The following VPS13C variants were observed in gnomAD, a reference collection of about 807,000 sequenced individuals.
The protein encoded by VPS13C is vacuolar protein sorting 13 homolog C.
VPS13C carries 358 observed loss-of-function variants against 456.8 expected under a neutral mutation model. The ratio of observed to expected loss-of-function variants is 0.78; its 90% confidence interval spans 0.72 to 0.86. The LOEUF (loss-of-function observed/expected upper bound fraction) is 0.86, where lower values mean the gene tolerates loss of function less well. Among genes scored for constraint, VPS13C ranks in the 40% least tolerant of loss-of-function variants. The pLI, the probability that VPS13C is intolerant of heterozygous loss-of-function variation, is 0.00. For missense variants in VPS13C, 4,818 were observed against 4,385.4 expected, an observed-to-expected ratio of 1.10 and a Z score of -2.79; for synonymous variants, 1,578 against 1,486.7, an observed-to-expected ratio of 1.06 and a Z score of -1.41.
chr15:61,973,496 C>G lies in VPS13C; in HGVS notation c.2575G>C (p.Gly859Arg). ...AGCAATAGTGAAGTACCAAGTAGACCTTTTGTACCACCTGAAATAATAGGA... is the reference window on the plus strand; with the variant it reads ...AGCAATAGTGAAGTACCAAGTAGACGTTTTGTACCACCTGAAATAATAGGA... ...SIPIISGGTK[G>R]LLGTSLLLDT... Residue 859 changes from glycine (G) to arginine (R), a missense_variant, in exon 26 of 85, where the codon GGT (glycine) becomes CGT (arginine). Physicochemically the swap from Gly to Arg is moderately radical, Grantham distance 125 (BLOSUM62 -2). Around this residue, in one of 3 missense-constraint regions of VPS13C, gnomAD observed 4,552 missense variants for 4,130.6 expected, o/e 1.10. Transcript: ENST00000644861. The G allele has an allele frequency of 3.1e-6, 5 of 1,612,682 alleles. No homozygotes were observed. The highest frequency in any genetic ancestry group is 4.2e-6 in the Non-Finnish European group (5 of 1,179,074).
rs759928174 is a variant in VPS13C, at chr15:61,951,023, G to C, written c.4458C>G (p.Asp1486Glu). Residue 1486 changes from aspartate (D) to glutamate (E), a missense_variant and splice_region_variant, in exon 40 of 85, where the codon GAC (aspartate) becomes GAG (glutamate). By Grantham distance (45) the Asp-to-Glu change is conservative. Around this residue, in one of 3 missense-constraint regions of VPS13C, gnomAD observed 4,552 missense variants for 4,130.6 expected, o/e 1.10. Transcript: ENST00000644861. The stretch of plus-strand genomic sequence containing the variant: ...TAATGTGAAGAGGTTCCCCTTTAGA[G>C]TCTAAAAGAGAAAAAAGACAAAGTT... The part of the protein sequence containing the change: ...KISMQCFDFT[D>E]SKGEPLHIIN... 6.3e-7 allele frequency: 1 copy of C among 1,577,160 alleles called. No homozygotes were observed. The highest frequency in any genetic ancestry group is 2.2e-5 in the East Asian group (1 of 44,480).
intron 81 of VPS13C, 50 bp downstream of exon 81, chr15:61,868,609 G>C (rs1405430014): frequency 2.0e-6 from 3 of 1,530,944 alleles, no homozygotes; most frequent in South Asian, 2.3e-5. Flanking sequence ...CCTGGGCCTA[G>C]AAATCATTAA....
At chr15:61,992,019 A>G (rs2046239491) in intron 16 of VPS13C, among the ~76,000 whole-genome samples, 1 of 152,066 alleles carries the variant, frequency 6.6e-6, no homozygotes, top group Admixed American at 6.6e-5. Context: ...TAGCATTTTG[A>G]TAAGGCTGCA....
chr15:62,022,054 T>C (rs1029206780), intron 8 of VPS13C, among the ~76,000 whole-genome samples: 1 of 151,904 alleles, frequency 6.6e-6, no homozygotes, highest in Non-Finnish European at 1.5e-5. Flanking sequence ...CATCCACTGA[T>C]GGGCAATCTT....
intron 15 of VPS13C, among the ~76,000 whole-genome samples, chr15:62,001,860 A>C (rs1312966724): frequency 6.6e-6 from 1 of 152,206 alleles, no homozygotes; most frequent in Non-Finnish European, 1.5e-5. Context: ...ATCATTTTTT[A>C]TGACTGCATA....
intron 1 of VPS13C, among the ~76,000 whole-genome samples, chr15:62,051,584 G>A (rs2048619915): frequency 1.3e-5 from 2 of 152,102 alleles, no homozygotes; most frequent in South Asian, 2.1e-4. Context: ...AAGGTAATTC[G>A]ACCTCCCTGG....
intron 67 of VPS13C, among the ~76,000 whole-genome samples, chr15:61,888,466 G>T (rs974413245): frequency 1.3e-5 from 2 of 152,036 alleles, no homozygotes; most frequent in South Asian, 4.1e-4. Context: ...ATAGTTGAAT[G>T]GATAAACAAA....
chr15:61,931,499 C>G (rs12439027), intron 49 of VPS13C, among the ~76,000 whole-genome samples: 10,584 of 151,584 alleles, frequency 0.07, 611 homozygotes, highest in East Asian at 0.2. Context: ...AAAAATTTAT[C>G]TGATTTACAG....
chr15:61,934,756 T>C (rs2044169324), intron 48 of VPS13C, among the ~76,000 whole-genome samples: 2 of 152,156 alleles, frequency 1.3e-5, no homozygotes, highest in East Asian at 1.9e-4. Flanking sequence ...TATTTTATTT[T>C]ATTTTATTTT....
At position 61,941,995 on chromosome 15, in the gene VPS13C, C is replaced by G; in HGVS notation, c.5221G>C (p.Ala1741Pro). ...TATVQAAERA[A>P]SSMKDLAQKS... Reference sequence around the variant, plus strand: ...TGAGCCAAGTCTTTCATGCTGGAAGCAGCTCTTTCTGCAGCCTGGACTGTG... The same window carrying G: ...TGAGCCAAGTCTTTCATGCTGGAAGGAGCTCTTTCTGCAGCCTGGACTGTG... The change falls in exon 46 of 85, where the codon GCT (alanine) becomes CCT (proline). Residue 1741 changes from alanine (A) to proline (P), a missense_variant. Ala to Pro is a conservative substitution (Grantham distance 27). Transcript: ENST00000644861. The G allele has an allele frequency of 1.2e-6, 2 of 1,614,000 alleles. No homozygotes were observed. The highest frequency in any genetic ancestry group is 1.1e-5 in the South Asian group (1 of 91,072).
At chr15:61,883,450 T>TG (rs966376183) in intron 68 of VPS13C, among the ~76,000 whole-genome samples, 4 of 151,894 alleles carry the variant, frequency 2.6e-5, no homozygotes, top group African/African-American at 9.7e-5. Flanking sequence ...TTGGTGGGGG[T>TG]GCTGGGGAAT....
intron 66 of VPS13C, among the ~76,000 whole-genome samples, chr15:61,900,373 C>G (rs1438562411): frequency 6.6e-6 from 1 of 152,230 alleles, no homozygotes; most frequent in Non-Finnish European, 1.5e-5. Context: ...CCCACCGTCT[C>G]AGCCCAAAAT....
intron 37 of VPS13C, 25 bp downstream of exon 37, chr15:61,958,583 T>C (rs371054575): frequency 6.3e-6 from 8 of 1,267,188 alleles, no homozygotes; most frequent in Admixed American, 2.1e-5. Flanking sequence ...CATATGTATA[T>C]TGCCACTTAC....
intron 1 of VPS13C, among the ~76,000 whole-genome samples, chr15:62,051,542 C>G (rs1323196984): frequency 1.3e-5 from 2 of 152,182 alleles, no homozygotes; most frequent in Non-Finnish European, 2.9e-5. Flanking sequence ...TCCCGAATAG[C>G]AGAGCATAAA....
intron 69 of VPS13C, among the ~76,000 whole-genome samples, chr15:61,882,240 G>A (rs1895910048): frequency 6.6e-6 from 1 of 152,158 alleles, no homozygotes; most frequent in Non-Finnish European, 1.5e-5. Context: ...GATGCTGGGA[G>A]AGAGCAAGCA....
At chr15:61,946,113 T>C (rs904117624) in intron 44 of VPS13C, among the ~76,000 whole-genome samples, 194 bp downstream of exon 44, 2 of 152,118 alleles carry the variant, frequency 1.3e-5, no homozygotes, top group Non-Finnish European at 2.9e-5. Context: ...GAAATAACTT[T>C]TACAAATCAC....
chr15:61,955,466 C>T (rs1261538298), intron 37 of VPS13C, among the ~76,000 whole-genome samples: 2 of 152,102 alleles, frequency 1.3e-5, no homozygotes, highest in Non-Finnish European at 2.9e-5. Flanking sequence ...ACTAATACAA[C>T]ACACAGGAAC....
In VPS13C at chr15:61,984,933, T is replaced by A; in HGVS notation, c.1645A>T (p.Ile549Phe). The change falls in exon 19 of 85, where the codon ATT (isoleucine) becomes TTT (phenylalanine). Residue 549 changes from isoleucine to phenylalanine, a missense_variant. By Grantham distance (21) the Ile-to-Phe change is conservative. Transcript: ENST00000644861. ...TSVTIRENKNIPEILKIQIIG... is the reference protein window; with the variant it reads ...TSVTIRENKNFPEILKIQIIG... ...ATCTGAATTTTTAGTATTTCTGGAA[T>A]ATTCTTGTTTTCTCTTATCGTAACA... 1 of 1,612,380 alleles carries A rather than the reference T, an allele frequency of 6.2e-7. No individual in the cohort carries two copies. Among genetic ancestry groups the A allele is most frequent in the Non-Finnish European group, 8.5e-7 (1 of 1,179,390 alleles).
chr15:62,013,941 T>C lies in VPS13C; in HGVS notation c.736A>G (p.Ile246Val). The C allele has an allele frequency of 1.2e-6, 2 of 1,607,858 alleles. No homozygotes were observed. The highest frequency in any genetic ancestry group is 1.7e-6 in the Non-Finnish European group (2 of 1,176,730). Residue 246 changes from isoleucine (I) to valine (V), a missense_variant, in exon 10 of 85, where the codon ATA becomes GTA. This residue lies in a region of VPS13C where 4,552 missense variants were observed against 4,130.6 expected (regional missense o/e 1.10). Coordinates refer to ENST00000644861, the MANE Select transcript of VPS13C (RefSeq NM_020821.3). ...PCILNEADKI[I>V]YKLIRLDSLS... The stretch of plus-strand genomic sequence containing the variant: ...TTATTCCAACATAATACCTTGTATA[T>C]AATTTTGTCTGCTTCATTTAATATG...
Sources: allele counts gnomAD v4.1 joint callset (sites outside exome capture counted in the v4.1 genomes callset), GRCh38; gene constraint gnomAD v4.1.1; regional missense constraint gnomAD v4.1.1; transcripts MANE v1.5; gene names NCBI Gene and HGNC (gene_info 2026-07-23, HGNC 2026-07-21).